The following PRKCQ variants were observed in gnomAD, a reference collection of about 807,000 sequenced individuals.
The protein encoded by PRKCQ is protein kinase C theta type.
In PRKCQ, 41 loss-of-function variants were observed where a neutral mutation model predicts 91.2. The ratio of observed to expected loss-of-function variants is 0.45; its 90% CI spans 0.35 to 0.58. PRKCQ has a LOEUF of 0.58. Among genes scored for constraint, PRKCQ ranks in the 20% least tolerant of loss-of-function variants. The probability of loss-of-function intolerance (pLI) is 0.00; values close to 1 mark genes in which losing one functional copy is unlikely to be tolerated. For synonymous variants in PRKCQ, 307 were observed against 316.9 expected, an observed-to-expected ratio of 0.97 and a Z score of 0.33; for missense variants, 673 against 896.5, an observed-to-expected ratio of 0.75 and a Z score of 3.18.
intron 1 of PRKCQ, among the ~76,000 whole-genome samples, chr10:6,520,193 A>C (rs1364540917): frequency 1.3e-5 from 2 of 152,182 alleles, no homozygotes. Context: ...CAAACTCACC[A>C]GGTCCCATAC....
chr10:6,411,016 A>T, the PRKCQ span, among the ~76,000 whole-genome samples: 1 of 150,718 alleles, frequency 6.6e-6, no homozygotes, highest in Non-Finnish European at 1.5e-5. Flanking sequence ...CCAAGATGCC[A>T]ATCATCCCTG....
Position 6,430,697 on chromosome 10 carries a change from G to C in PRKCQ, c.1965+113C>G. On this transcript the variant is annotated intron_variant, in intron 17 of 17. Transcript: ENST00000263125. The surrounding 1 kb of genome is among the most constrained non-coding windows in gnomAD (Gnocchi z 4.7). ...GCATTCCTCCTGGAGAGTGGGGCTGGTGGGGAGTTGGGGCACCGGCAGGGG... is the reference window on the plus strand; with the variant it reads ...GCATTCCTCCTGGAGAGTGGGGCTGCTGGGGAGTTGGGGCACCGGCAGGGG... 7.0e-7 allele frequency: 1 copy of C among 1,431,998 alleles called. No individual in the cohort carries two copies. The highest frequency in any genetic ancestry group is 1.4e-5 in the African/African-American group (1 of 70,544). 88.7% of individuals were successfully genotyped at this position (1,431,998 alleles called of 1,614,324 possible).
chr10:6,489,452 T>C, intron 8 of PRKCQ: 2 of 532,226 alleles, frequency 3.8e-6, no homozygotes, highest in Admixed American at 1.9e-5. Flanking sequence ...GGATGACTAT[T>C]TTCTTGGGAA....
At chr10:6,489,586 C>T (rs74112639) in intron 8 of PRKCQ, 142 of 426,096 alleles carry the variant, frequency 3.3e-4, no homozygotes, top group African/African-American at 2.7e-3. Context: ...GAGAAGAGGG[C>T]GAGAAGAGTC....
intron 4 of PRKCQ, among the ~76,000 whole-genome samples, chr10:6,504,052 T>C (rs1011146132): frequency 6.6e-6 from 1 of 152,200 alleles, no homozygotes; most frequent in African/African-American, 2.4e-5. Flanking sequence ...GCTGGGATTA[T>C]AGGCATTAGC....
At chr10:6,488,387 CTTTTTT>C (rs71391841) in intron 8 of PRKCQ, among the ~76,000 whole-genome samples, 1 of 140,686 alleles carries the variant, frequency 7.1e-6, no homozygotes, top group Non-Finnish European at 1.6e-5. Flanking sequence ...ATAACTATTA[CTTTTTT>C]TTTTTTTTTT....
chr10:6,490,505 C>G (rs377355819), intron 8 of PRKCQ, among the ~76,000 whole-genome samples: 1 of 150,092 alleles, frequency 6.7e-6, no homozygotes, highest in African/African-American at 2.4e-5. Context: ...GAGACAAGAT[C>G]GCTTGAACCC....
In PRKCQ at chr10:6,485,140, C is replaced by A; in HGVS notation, c.1018+12G>T. On this transcript the variant is annotated intron_variant, in intron 10 of 17. Coordinates refer to ENST00000263125, the MANE Select transcript of PRKCQ (RefSeq NM_006257.5). ...GACTGACAGTGATTAGACTGCTGAT[C>A]AGGACAGCTACCTCTTTTTCCCGGT... 6.2e-7 allele frequency: 1 copy of A among 1,605,796 alleles called. No homozygotes were observed. The highest frequency in any genetic ancestry group is 8.5e-7 in the Non-Finnish European group (1 of 1,172,764).
intron 1 of PRKCQ, among the ~76,000 whole-genome samples, chr10:6,549,657 A>T (rs1480327200): frequency 3.8e-5 from 5 of 129,910 alleles, no homozygotes; most frequent in Non-Finnish European, 7.8e-5. Context: ...ACAGAGTCTC[A>T]CTCTGTCTGC....
intron 4 of PRKCQ, among the ~76,000 whole-genome samples, chr10:6,499,131 T>G (rs1162109820): frequency 6.6e-6 from 1 of 152,216 alleles, no homozygotes; most frequent in Non-Finnish European, 1.5e-5. Context: ...TGGTTCCTGA[T>G]GTCCACAGTG....
the PRKCQ span, among the ~76,000 whole-genome samples, chr10:6,415,425 T>C: frequency 1.0e-4 from 3 of 29,728 alleles, no homozygotes; most frequent in East Asian, 2.0e-3. Flanking sequence ...TATATATATA[T>C]ATATATATAT....
chr10:6,565,198 G>T lies in PRKCQ; in HGVS notation c.-10+15013C>A, dbSNP rs373178403. Among the ~76,000 whole-genome samples the T allele has an allele frequency of 1.5e-4, 23 of 152,332 alleles. 1 individual carries two copies. In the South Asian group the frequency reaches 4.8e-3, roughly 32 times the overall value. ...TGGCTGGGTGTCTTGAGATAGCACA[G>T]TACTTGAATAAATAGTGTGATCTCT... On this transcript the variant is annotated intron_variant, in intron 1 of 17. Coordinates refer to ENST00000263125, the MANE Select transcript of PRKCQ (RefSeq NM_006257.5).
chr10:6,423,518 G>C (rs944958256), downstream of PRKCQ, among the ~76,000 whole-genome samples: 6 of 152,148 alleles, frequency 3.9e-5, no homozygotes, highest in African/African-American at 1.4e-4. Context: ...GGTTCCCTGA[G>C]TCAGAGAGAG....
chr10:6,543,861 T>C (rs931127466), intron 1 of PRKCQ, among the ~76,000 whole-genome samples: 1 of 152,162 alleles, frequency 6.6e-6, no homozygotes, highest in African/African-American at 2.4e-5. Context: ...GACAGGGCCT[T>C]GTTTGGCTGA....
In PRKCQ at chr10:6,431,516, G is replaced by A. The variant is rs181819118; in HGVS notation, c.1837-578C>T. ...AACACAAATGTGAGCACACGCACAC[G>A]GACAGGCATACACACGCATACACAC... On this transcript the variant is annotated intron_variant, in intron 16 of 17. Transcript: ENST00000263125. Among the ~76,000 whole-genome samples, 397 of 152,178 alleles carry A rather than the reference G, an allele frequency of 2.6e-3. 2 individuals are homozygous for A. The highest frequency in any genetic ancestry group is 9.2e-3 in the African/African-American group (383 of 41,496).
rs186548156 is a variant in PRKCQ, at chr10:6,549,098, G to C, written c.-10+31113C>G. On this transcript the variant is annotated intron_variant, in intron 1 of 17. Coordinates refer to ENST00000263125, the MANE Select transcript of PRKCQ (RefSeq NM_006257.5). ...TTTCCAAGGGCTTACATTCTAATGG[G>C]AGCGATGGAACAGCTCTGAAAACTT... Among the ~76,000 whole-genome samples, 619 of 152,246 alleles carry C rather than the reference G, an allele frequency of 4.1e-3. 5 individuals are homozygous for C. Among genetic ancestry groups the C allele is most frequent in the Admixed American group, 0.011 (172 of 15,296 alleles).
intron 16 of PRKCQ, among the ~76,000 whole-genome samples, chr10:6,432,462 C>G (rs1451951707): frequency 6.6e-6 from 1 of 152,128 alleles, no homozygotes; most frequent in Non-Finnish European, 1.5e-5. Context: ...ATCTGATTGG[C>G]AAATTCTTAG....
chr10:6,543,627 C>T (rs571523954), intron 1 of PRKCQ, among the ~76,000 whole-genome samples: 2 of 152,280 alleles, frequency 1.3e-5, no homozygotes, highest in East Asian at 3.9e-4. Context: ...GATGCTGAAA[C>T]ACTGTCCTCG....
At chr10:6,539,871 T>G (rs149106109) in intron 1 of PRKCQ, among the ~76,000 whole-genome samples, 137 of 152,346 alleles carry the variant, frequency 9.0e-4, no homozygotes, top group Non-Finnish European at 1.7e-3. Flanking sequence ...TTTCAAAATA[T>G]AGTTCTAATT....
Sources: gnomAD v4.1 joint callset for allele counts (sites outside exome capture counted in the v4.1 genomes callset) on GRCh38, gnomAD v4.1.1 for gene constraint, Gnocchi (gnomAD v3.1) non-coding constraint, MANE v1.5 for transcripts, NCBI Gene and HGNC (gene_info 2026-07-23, HGNC 2026-07-21) for gene names.